The following KIF26B variants were observed in gnomAD, a reference collection of about 807,000 sequenced individuals.
KIF26B encodes the protein kinesin-like protein KIF26B.
Under a neutral mutation model 151.2 loss-of-function variants are expected in KIF26B, and 63 were observed. The ratio of observed to expected loss-of-function variants is 0.42; its 90% confidence interval spans 0.34 to 0.51. The LOEUF (loss-of-function observed/expected upper bound fraction) is 0.51. Ranked by LOEUF, KIF26B falls within the 20% of genes least tolerant of loss-of-function variation. The pLI is 0.07. For synonymous variants in KIF26B, 1,357 were observed against 1,262.1 expected, an observed-to-expected ratio of 1.08 and a Z score of -1.59; for missense variants, 2,813 against 2,913.6, an observed-to-expected ratio of 0.97 and a Z score of 0.79.
chr1:245,559,522 C>T (rs1384075065), intron 5 of KIF26B, among the ~76,000 whole-genome samples: 2 of 152,170 alleles, frequency 1.3e-5, no homozygotes, highest in Non-Finnish European at 2.9e-5. Context: ...AAGCGATTCT[C>T]CTGCCTCAGC....
intron 4 of KIF26B, among the ~76,000 whole-genome samples, chr1:245,535,980 G>C (rs1661480918): frequency 6.6e-6 from 1 of 152,182 alleles, no homozygotes; most frequent in Non-Finnish European, 1.5e-5. Flanking sequence ...TGATGATGAT[G>C]ATGATAGCAT....
chr1:245,155,608 G>C, intron 1 of KIF26B, 121 bp downstream of exon 1: 2 of 832,042 alleles, frequency 2.4e-6, no homozygotes, highest in Non-Finnish European at 3.6e-6. Flanking sequence ...GGCGCCCCCG[G>C]GGCTGGCGGG....
At chr1:245,206,112 G>A (rs115387275) in intron 2 of KIF26B, among the ~76,000 whole-genome samples, 2 of 152,222 alleles carry the variant, frequency 1.3e-5, no homozygotes, top group Non-Finnish European at 2.9e-5. Context: ...GTCCCTCTTT[G>A]TTGACTCATA....
chr1:245,500,789 T>A (rs1660605334), intron 4 of KIF26B, among the ~76,000 whole-genome samples: 1 of 152,214 alleles, frequency 6.6e-6, no homozygotes, highest in South Asian at 2.1e-4. Context: ...AGATGCTGAA[T>A]GGGATAAGAA....
chr1:245,392,248 A>C (rs371136016), intron 3 of KIF26B, among the ~76,000 whole-genome samples: 3 of 152,176 alleles, frequency 2.0e-5, no homozygotes. Context: ...TACGCCACAG[A>C]AATATTCACT....
At chr1:245,545,267 A>T (rs1374078306) in intron 5 of KIF26B, among the ~76,000 whole-genome samples, 1 of 151,836 alleles carries the variant, frequency 6.6e-6, no homozygotes, top group African/African-American at 2.4e-5. Flanking sequence ...ACACCCAGTT[A>T]ATTTTTGTAT....
chr1:245,191,149 G>A lies in KIF26B; in HGVS notation c.465+34466G>A, dbSNP rs551833977. Among the ~76,000 whole-genome samples, 8 of 149,436 alleles carry A rather than the reference G, an allele frequency of 5.4e-5. No homozygotes were observed. In the Admixed American group the frequency reaches 5.4e-4, roughly 10 times the overall value. ...GTTCATTTGTAATCTGGCTCTTCCT[G>A]TGATAAGATGCCACCAATATTTGGG... On this transcript the variant is annotated intron_variant, in intron 2 of 14. Transcript: ENST00000407071.
chr1:245,344,182 A>C (rs1672393124), intron 2 of KIF26B, among the ~76,000 whole-genome samples: 3 of 125,960 alleles, frequency 2.4e-5, no homozygotes, highest in African/African-American at 6.3e-5. Flanking sequence ...CTCCCTCCCT[A>C]TCTCTTTCTT....
chr1:245,579,799 G>C (rs947667541), intron 5 of KIF26B, among the ~76,000 whole-genome samples: 5 of 151,474 alleles, frequency 3.3e-5, no homozygotes, highest in African/African-American at 7.3e-5. Context: ...GGTGAGCCGA[G>C]ATTGCGCCAT....
chr1:245,163,847 G>A (rs1035098599), intron 2 of KIF26B, among the ~76,000 whole-genome samples: 2 of 151,934 alleles, frequency 1.3e-5, no homozygotes. Flanking sequence ...TTTATATCCC[G>A]TCGCCTTATT....
At chr1:245,647,169 T>C (rs1263392520) in intron 10 of KIF26B, among the ~76,000 whole-genome samples, 2 of 152,188 alleles carry the variant, frequency 1.3e-5, no homozygotes, top group Non-Finnish European at 2.9e-5. Context: ...CTCATGCCTG[T>C]AATCCTGGCA....
Position 245,309,348 on chromosome 1 carries a change from G to C in KIF26B, c.466-57486G>C, listed in dbSNP as rs191456217. Among the ~76,000 whole-genome samples, 629 of 152,220 alleles carry C rather than the reference G, an allele frequency of 4.1e-3. 2 individuals carry two copies. The highest frequency in any genetic ancestry group is 4.7e-3 in the African/African-American group (197 of 41,534). ...GCAGGTGAGTCTCATCCAATCGGTC[G>C]AAGGCCTGAGTAGAACTGGCCTTCC... is the stretch of plus-strand genomic sequence containing the variant. On this transcript the variant is annotated intron_variant, in intron 2 of 14. Transcript: ENST00000407071.
intron 9 of KIF26B, among the ~76,000 whole-genome samples, chr1:245,631,632 C>T (rs984047501): frequency 1.3e-5 from 2 of 152,074 alleles, no homozygotes; most frequent in Non-Finnish European, 2.9e-5. Flanking sequence ...GAAGACTTCC[C>T]GCCTCTTCAA....
intron 4 of KIF26B, among the ~76,000 whole-genome samples, chr1:245,533,419 A>C (rs1274620906): frequency 6.6e-6 from 1 of 152,122 alleles, no homozygotes; most frequent in Non-Finnish European, 1.5e-5. Context: ...TGACCTCTTA[A>C]ATTTTATAAA....
chr1:245,674,717 A>AT (rs1387955306), intron 10 of KIF26B, among the ~76,000 whole-genome samples: 38 of 152,268 alleles, frequency 2.5e-4, no homozygotes, highest in Admixed American at 2.4e-3. Flanking sequence ...ACCTAGAGCT[A>AT]ATAAGTTGTA....
Position 245,488,647 on chromosome 1 carries a change from C to T in KIF26B, c.1167-52120C>T, listed in dbSNP as rs1660333705. Among the ~76,000 whole-genome samples the T allele has an allele frequency of 6.6e-6, 1 of 152,196 alleles. No individual in the cohort carries two copies. ...CTGCCGTGGCCCCATCCTCCTCTGT[C>T]TGGCTTTTGATGAACTGAAGACTGG... On this transcript the variant is annotated intron_variant, in intron 4 of 14. Coordinates refer to ENST00000407071, the MANE Select transcript of KIF26B (RefSeq NM_018012.4). The surrounding 1 kb of genome is among the most constrained non-coding windows in gnomAD (Gnocchi z 4.6).
At chr1:245,514,820 A>G (rs1660914481) in intron 4 of KIF26B, among the ~76,000 whole-genome samples, 1 of 152,154 alleles carries the variant, frequency 6.6e-6, no homozygotes, top group African/African-American at 2.4e-5. Context: ...TCTCTCCATC[A>G]GTAAAATGCA....
intron 2 of KIF26B, among the ~76,000 whole-genome samples, chr1:245,284,206 T>C (rs1386164060): frequency 5.3e-5 from 8 of 152,224 alleles, no homozygotes. Context: ...ATATAGTATG[T>C]ATTTTTCTCA....
intron 2 of KIF26B, among the ~76,000 whole-genome samples, chr1:245,362,921 A>T (rs1047726774): frequency 6.6e-6 from 1 of 152,232 alleles, no homozygotes; most frequent in African/African-American, 2.4e-5. Context: ...GCCAATAAAA[A>T]TTGGGACCTT....
Sources: gnomAD v4.1 joint callset for allele counts (sites outside exome capture counted in the v4.1 genomes callset) on GRCh38, gnomAD v4.1.1 for gene constraint, Gnocchi (gnomAD v3.1) non-coding constraint, MANE v1.5 for transcripts, NCBI Gene and HGNC (gene_info 2026-07-23, HGNC 2026-07-21) for gene names.